Variants in MAPK10 observed in about 807,000 individuals in gnomAD.
MAPK10 encodes the protein mitogen-activated protein kinase 10.
MAPK10 carries 25 observed loss-of-function variants against 59.3 expected under a neutral mutation model. That is an observed-to-expected ratio of 0.42 (90% CI 0.31 to 0.59). The LOEUF is 0.59. MAPK10 is among the 20% of genes least tolerant of loss of function. The pLI is 0.15. For missense variants in MAPK10, 351 were observed against 568.9 expected, an observed-to-expected ratio of 0.62 and a Z score of 3.90; for synonymous variants, 190 against 200.5, an observed-to-expected ratio of 0.95 and a Z score of 0.44.
chr4:86,298,717 T>C (rs2095414670), intron 2 of MAPK10, among the ~76,000 whole-genome samples: 1 of 152,238 alleles, frequency 6.6e-6, no homozygotes, highest in Admixed American at 6.5e-5. Flanking sequence ...GGATATTTGC[T>C]CCTGAATTCT....
chr4:86,421,510 TAG>T (rs1746537920), intron 1 of MAPK10, among the ~76,000 whole-genome samples: 1 of 152,084 alleles, frequency 6.6e-6, no homozygotes, highest in Admixed American at 6.6e-5. Flanking sequence ...TGATAAACTG[TAG>T]AGTCATCCTC....
At chr4:86,524,702 C>T (rs76983767) in intron 1 of MAPK10, among the ~76,000 whole-genome samples, 4,106 of 152,230 alleles carry the variant, frequency 0.027, 192 homozygotes, top group African/African-American at 0.093. Context: ...TACACTCTCT[C>T]TCCCCTTTCT....
chr4:86,295,265 T>C (rs1057068545), intron 2 of MAPK10, among the ~76,000 whole-genome samples: 5 of 152,108 alleles, frequency 3.3e-5, no homozygotes, highest in Admixed American at 1.3e-4. Context: ...CTCTCCCAGA[T>C]CTCTATTTTA....
intron 4 of MAPK10, among the ~76,000 whole-genome samples, chr4:86,110,721 T>A (rs2057344906): frequency 1.3e-5 from 2 of 152,206 alleles, no homozygotes; most frequent in South Asian, 4.1e-4. Flanking sequence ...TTGGGCTCTT[T>A]TTTGGTTCCA....
intron 12 of MAPK10, 151 bp downstream of exon 12, chr4:86,031,217 A>G (rs972496329): frequency 1.6e-6 from 1 of 614,836 alleles, no homozygotes; most frequent in South Asian, 2.0e-5. Flanking sequence ...GCATGAAAAG[A>G]CAGATGAAGT....
chr4:86,570,187 A>G (rs1170302050), intron 1 of MAPK10, among the ~76,000 whole-genome samples: 1 of 152,186 alleles, frequency 6.6e-6, no homozygotes, highest in East Asian at 1.9e-4. Flanking sequence ...GAAATCCCAT[A>G]ACTCAAAATA....
chr4:86,575,399 G>C (rs776194759), intron 1 of MAPK10, among the ~76,000 whole-genome samples: 1 of 152,112 alleles, frequency 6.6e-6, no homozygotes, highest in South Asian at 2.1e-4. Context: ...TATTGGTTCT[G>C]TTTCTCTGGA....
rs936399621 is a variant in MAPK10 at position 86,359,774 on chromosome 4, T to A, written c.-238A>T. ...ACATGGAAGAGATTCTTTGGAGATA[T>A]GGAGATTGTTTAAAATTAACGATGG... is the stretch of plus-strand genomic sequence containing the variant. On this transcript the variant is annotated 5_prime_UTR_variant, in exon 1 of 14. Transcript: ENST00000641462. The A allele has an allele frequency of 1.0e-6, 1 of 985,548 alleles. No individual in the cohort carries two copies. The highest frequency in any genetic ancestry group is 1.7e-5 in the African/African-American group (1 of 57,178). 61.1% of individuals were successfully genotyped at this position (985,548 alleles called of 1,614,324 possible). A position where few individuals can be genotyped will look rare whatever the true frequency, so the allele number is the denominator to read the frequency against.
intron 2 of MAPK10, among the ~76,000 whole-genome samples, chr4:86,263,587 G>A (rs2094107518): frequency 6.6e-6 from 1 of 152,078 alleles, no homozygotes; most frequent in African/African-American, 2.4e-5. Flanking sequence ...ATGACAAATA[G>A]GGATTAATTT....
intron 4 of MAPK10, among the ~76,000 whole-genome samples, chr4:86,126,960 C>T (rs1283137326): frequency 1.3e-5 from 2 of 151,906 alleles, no homozygotes; most frequent in Admixed American, 1.3e-4. Flanking sequence ...TTTCCATCAC[C>T]ATGTGTTACA....
At chr4:86,069,412 C>A (rs1379390621) in intron 9 of MAPK10, among the ~76,000 whole-genome samples, 2 of 151,890 alleles carry the variant, frequency 1.3e-5, no homozygotes, top group East Asian at 1.9e-4. Context: ...AATAATTAAA[C>A]AAGAACATGC....
intron 9 of MAPK10, among the ~76,000 whole-genome samples, chr4:86,074,248 A>G (rs1219161492): frequency 1.4e-5 from 2 of 141,714 alleles, no homozygotes; most frequent in Non-Finnish European, 3.1e-5. Context: ...TTGGCTTGGT[A>G]GATCTTCCTC....
At chr4:86,559,026 A>G (rs2149103462) in intron 1 of MAPK10, among the ~76,000 whole-genome samples, 1 of 152,274 alleles carries the variant, frequency 6.6e-6, no homozygotes, top group East Asian at 1.9e-4. Flanking sequence ...CTATAAATCC[A>G]GTTACAACTA....
At chr4:86,509,388 C>T (rs1481376203) in intron 1 of MAPK10, among the ~76,000 whole-genome samples, 2 of 151,132 alleles carry the variant, frequency 1.3e-5, no homozygotes, top group African/African-American at 4.9e-5. Context: ...TTGAACTTAG[C>T]GCAATAATAC....
chr4:86,060,681 C>A (rs528291123), intron 11 of MAPK10, among the ~76,000 whole-genome samples: 3 of 152,132 alleles, frequency 2.0e-5, no homozygotes, highest in Non-Finnish European at 2.9e-5. Context: ...TCCCAAAAAT[C>A]TCCTACTGAT....
intron 11 of MAPK10, 176 bp from the exon 12 acceptor site, chr4:86,031,607 C>A (rs972356643): frequency 3.8e-6 from 2 of 530,332 alleles, no homozygotes; most frequent in Non-Finnish European, 3.4e-6. Flanking sequence ...ATGGAGGATT[C>A]ATTCATATTG....
chr4:86,145,361 C>CAAAA (rs1166418131), intron 4 of MAPK10, among the ~76,000 whole-genome samples: 6 of 55,346 alleles, frequency 1.1e-4, no homozygotes, highest in South Asian at 7.2e-4. Flanking sequence ...GACACCGTCT[C>CAAAA]AAAAAAAAAA....
At chr4:86,580,355 C>T (rs1017229235) in intron 1 of MAPK10, among the ~76,000 whole-genome samples, 10 of 151,840 alleles carry the variant, frequency 6.6e-5, no homozygotes, top group South Asian at 4.2e-4. Context: ...AAAAATTAGC[C>T]GGGCATGGTG....
chr4:86,110,199 T>C (rs1338160830), intron 4 of MAPK10, among the ~76,000 whole-genome samples: 1 of 152,236 alleles, frequency 6.6e-6, no homozygotes, highest in East Asian at 1.9e-4. Context: ...GATGACAGTT[T>C]CTTTTGCTGT....
Sources: allele counts gnomAD v4.1 joint callset (sites outside exome capture counted in the v4.1 genomes callset), GRCh38; gene constraint gnomAD v4.1.1; transcripts MANE v1.5; gene names NCBI Gene and HGNC (gene_info 2026-07-23, HGNC 2026-07-21).